Variants in COX10 observed in about 807,000 individuals in gnomAD.
The protein encoded by COX10 is cytochrome c oxidase assembly factor heme A:farnesyltransferase COX10.
COX10 carries 27 observed loss-of-function variants against 37.3 expected under a neutral mutation model. That is an observed-to-expected ratio of 0.72 (90% CI 0.53 to 1.00). The LOEUF (loss-of-function observed/expected upper bound fraction) is 1.00. Ranked by LOEUF, COX10 falls within the 50% of genes least tolerant of loss-of-function variation. The pLI is 0.00. For synonymous variants in COX10, 222 were observed against 229.1 expected (o/e 0.97, Z 0.28); for missense variants, 475 against 563.2 (o/e 0.84, Z 1.59).
chr17:14,120,786 G>A (rs2142212602), intron 4 of COX10, among the ~76,000 whole-genome samples: 1 of 152,278 alleles, frequency 6.6e-6, no homozygotes. Flanking sequence ...ACAAAAATGA[G>A]TGAAAACTAT....
intron 6 of COX10, 148 bp downstream of exon 6, chr17:14,192,369 G>A: frequency 1.9e-6 from 3 of 1,613,250 alleles, no homozygotes; most frequent in East Asian, 4.5e-5. Flanking sequence ...GAAATTTTGT[G>A]GACGCAGAGT....
chr17:14,104,976 T>C (rs1597502566), intron 4 of COX10, among the ~76,000 whole-genome samples: 1 of 152,194 alleles, frequency 6.6e-6, no homozygotes, highest in East Asian at 1.9e-4. Context: ...TAAAATGTTT[T>C]GAATTTTGCA....
intron 4 of COX10, among the ~76,000 whole-genome samples, chr17:14,153,765 A>G (rs188191409): frequency 1.3e-5 from 2 of 152,358 alleles, no homozygotes; most frequent in East Asian, 3.9e-4. Context: ...AGTGAAAAGC[A>G]TATGTCCATA....
chr17:14,206,820 C>T lies in COX10; in HGVS notation c.939C>T (p.Leu313=), dbSNP rs1906715733. ...ATGSLDAGAF[L]LGGILYSWQF... The stretch of plus-strand genomic sequence containing the variant: ...CTGACCCCCGCACAGGCGCATTTCT[C>T]CTGGGAGGAATCCTCTACTCCTGGC... Residue 313 remains leucine (L), a synonymous_variant, in exon 7 of 7, where the codon CTC becomes CTT. Transcript: ENST00000261643. 5 of 1,614,176 alleles carry T rather than the reference C, an allele frequency of 3.1e-6. No individual in the cohort carries two copies. Among genetic ancestry groups the T allele is most frequent in the Non-Finnish European group, 4.2e-6 (5 of 1,180,034 alleles).
At chr17:14,151,942 A>G (rs1017590964) in intron 4 of COX10, among the ~76,000 whole-genome samples, 6 of 152,228 alleles carry the variant, frequency 3.9e-5, no homozygotes, top group African/African-American at 1.2e-4. Context: ...TTTATTAAAT[A>G]AATTATTTAT....
In COX10 at chr17:14,196,250, C is replaced by G. The variant is rs74366917; in HGVS notation, c.928+4029C>G. Among the ~76,000 whole-genome samples the G allele has an allele frequency of 5.8e-4, 88 of 152,260 alleles. 2 individuals carry two copies. The East Asian group carries it at 0.015, about 26-fold the overall frequency. ...ATAACTAAAACCCAGTGAGTGCCCT[C>G]AGGAAATCACGTCTCAGGGTCTTTG... On this transcript the variant is annotated intron_variant, in intron 6 of 6. Transcript: ENST00000261643.
At chr17:14,132,917 C>G (rs1246895691) in intron 4 of COX10, among the ~76,000 whole-genome samples, 4 of 151,542 alleles carry the variant, frequency 2.6e-5, no homozygotes. Context: ...GTAATTAGAA[C>G]TTTAACCATT....
intron 3 of COX10, among the ~76,000 whole-genome samples, chr17:14,095,330 C>G (rs1029259358): frequency 6.6e-6 from 1 of 152,074 alleles, no homozygotes; most frequent in Non-Finnish European, 1.5e-5. Context: ...AGTAATGAAG[C>G]CCTTTGTCAC....
At chr17:14,111,963 T>G (rs1334727479) in intron 4 of COX10, among the ~76,000 whole-genome samples, 1 of 152,170 alleles carries the variant, frequency 6.6e-6, no homozygotes, top group Non-Finnish European at 1.5e-5. Context: ...GTTCAGGGAT[T>G]TATAAATTAG....
At chr17:14,184,377 G>A (rs1402105390) in intron 5 of COX10, among the ~76,000 whole-genome samples, 1 of 152,104 alleles carries the variant, frequency 6.6e-6, no homozygotes, top group African/African-American at 2.4e-5. Context: ...GCTACCATGA[G>A]GAAACCAGAA....
chr17:14,119,115 A>C (rs1231023844), intron 4 of COX10, among the ~76,000 whole-genome samples: 1 of 152,166 alleles, frequency 6.6e-6, no homozygotes, highest in Non-Finnish European at 1.5e-5. Context: ...TAAGTGAGGT[A>C]CATTCAGTCG....
At chr17:14,175,201 CT>C (rs72182244) in intron 5 of COX10, among the ~76,000 whole-genome samples, 42,440 of 139,706 alleles carry the variant, frequency 0.3, 7,463 homozygotes, top group Non-Finnish European at 0.4. Flanking sequence ...CTATGTTTAC[CT>C]TTTTTTTTTT....
intron 4 of COX10, among the ~76,000 whole-genome samples, chr17:14,139,879 G>A (rs569785289): frequency 2.0e-5 from 3 of 152,204 alleles, no homozygotes; most frequent in South Asian, 2.1e-4. Context: ...GAGCAATGTA[G>A]GCCTGGAGAA....
chr17:14,106,457 C>T (rs1270519562), intron 4 of COX10, among the ~76,000 whole-genome samples: 1 of 152,106 alleles, frequency 6.6e-6, no homozygotes, highest in African/African-American at 2.4e-5. Context: ...TAAATCTTTG[C>T]ATATATCCTT....
chr17:14,077,131 C>A, intron 3 of COX10, 75 bp downstream of exon 3: 1 of 1,438,156 alleles, frequency 7.0e-7, no homozygotes, highest in Non-Finnish European at 9.6e-7. Context: ...TTTTATTTAC[C>A]ACCTGAAAAG....
chr17:14,090,347 CA>C (rs1426566786), intron 3 of COX10, among the ~76,000 whole-genome samples: 1 of 152,024 alleles, frequency 6.6e-6, no homozygotes, highest in Non-Finnish European at 1.5e-5. Flanking sequence ...AAGAATGTTA[CA>C]AGATTGTCTC....
At chr17:14,086,746 T>G (rs1239913819) in intron 3 of COX10, among the ~76,000 whole-genome samples, 3 of 152,226 alleles carry the variant, frequency 2.0e-5, no homozygotes, top group Non-Finnish European at 4.4e-5. Context: ...TGTTTAGTTA[T>G]TTGCTTTCTT....
chr17:14,152,685 A>G (rs1006757615), intron 4 of COX10, among the ~76,000 whole-genome samples: 2 of 152,204 alleles, frequency 1.3e-5, no homozygotes, highest in African/African-American at 4.8e-5. Flanking sequence ...TGTGAGGACC[A>G]CCTAAAACTC....
intron 6 of COX10, among the ~76,000 whole-genome samples, chr17:14,206,266 G>A (rs894778646): frequency 2.0e-4 from 30 of 152,232 alleles, no homozygotes; most frequent in African/African-American, 5.8e-4. Flanking sequence ...CAGGCGGAGC[G>A]GACTTGCAGC....
Sources: gnomAD v4.1 joint callset for allele counts (sites outside exome capture counted in the v4.1 genomes callset) on GRCh38, gnomAD v4.1.1 for gene constraint, MANE v1.5 for transcripts, NCBI Gene and HGNC (gene_info 2026-07-23, HGNC 2026-07-21) for gene names.